CCDC25: variants seen among roughly 807,000 people sequenced by gnomAD.
The protein encoded by CCDC25 is coiled-coil domain containing 25.
Under a neutral mutation model 35.3 loss-of-function variants are expected in CCDC25, and 16 were observed. That is an observed-to-expected ratio of 0.45 (90% CI 0.31 to 0.69). The LOEUF is 0.69. CCDC25 is among the 30% of genes least tolerant of loss of function. The pLI, the probability that CCDC25 is intolerant of heterozygous loss-of-function variation, is 0.06. For missense variants in CCDC25, 179 were observed against 250.7 expected, an observed-to-expected ratio of 0.71 and a Z score of 1.93; for synonymous variants, 79 against 80.3, an observed-to-expected ratio of 0.98 and a Z score of 0.09.
At chr8:27,765,719 T>C (rs1804379467) in intron 1 of CCDC25, among the ~76,000 whole-genome samples, 1 of 152,186 alleles carries the variant, frequency 6.6e-6, no homozygotes, top group Non-Finnish European at 1.5e-5. Context: ...TTTTAGCCAA[T>C]ATTACCCATA....
intron 7 of CCDC25, among the ~76,000 whole-genome samples, chr8:27,742,297 T>C (rs1803465560): frequency 6.6e-6 from 1 of 152,148 alleles, no homozygotes; most frequent in Non-Finnish European, 1.5e-5. Flanking sequence ...GAGAGACTTG[T>C]AAGCTTGTAA....
At position 27,772,564 on chromosome 8, in the gene CCDC25, T is replaced by C. The variant is rs1411999099; in HGVS notation, c.-24A>G. On this transcript the variant is annotated 5_prime_UTR_variant, in exon 1 of 9. Coordinates refer to ENST00000356537, the MANE Select transcript of CCDC25 (RefSeq NM_018246.3). Reference sequence around the variant, plus strand: ...ATGATCCCGGGAGCGGTGCGGTGACTCCACCGCGGAGCAGCAGCGCTCAAC... The same window carrying C: ...ATGATCCCGGGAGCGGTGCGGTGACCCCACCGCGGAGCAGCAGCGCTCAAC... 3.2e-6 allele frequency: 5 copies of C among 1,548,092 alleles called. No homozygotes were observed. The African/African-American group carries it at 4.1e-5, about 13-fold the overall frequency.
intron 2 of CCDC25, among the ~76,000 whole-genome samples, chr8:27,763,635 T>C (rs943685551): frequency 1.3e-5 from 2 of 152,220 alleles, no homozygotes; most frequent in East Asian, 3.9e-4. Context: ...GGAGAATTGC[T>C]TGAATCCAGG....
chr8:27,772,579 C>T lies in CCDC25; in HGVS notation c.-39G>A. The T allele has an allele frequency of 6.5e-7, 1 of 1,542,520 alleles. No individual in the cohort carries two copies. Among genetic ancestry groups the T allele is most frequent in the Non-Finnish European group, 8.8e-7 (1 of 1,141,448 alleles). On this transcript the variant is annotated 5_prime_UTR_variant, in exon 1 of 9. Coordinates refer to ENST00000356537, the MANE Select transcript of CCDC25 (RefSeq NM_018246.3). ...GTGCGGTGACTCCACCGCGGAGCAG[C>T]AGCGCTCAACTCACGAAGCTCAGGA... is the stretch of plus-strand genomic sequence containing the variant.
chr8:27,738,462 G>A (rs977672237), intron 8 of CCDC25, among the ~76,000 whole-genome samples: 1 of 152,146 alleles, frequency 6.6e-6, no homozygotes. Context: ...AACAGGGGTT[G>A]CAAGCAACAG....
chr8:27,742,821 C>T (rs1272262326), intron 7 of CCDC25, among the ~76,000 whole-genome samples: 2 of 152,104 alleles, frequency 1.3e-5, no homozygotes, highest in Non-Finnish European at 2.9e-5. Flanking sequence ...GAGCCGAGAT[C>T]GTGCCACTGC....
At chr8:27,772,222 A>C (rs1804648123) in intron 1 of CCDC25, among the ~76,000 whole-genome samples, 1 of 152,240 alleles carries the variant, frequency 6.6e-6, no homozygotes, top group African/African-American at 2.4e-5. Context: ...GGCTCTGCCC[A>C]ATCCCAGGGA....
intron 5 of CCDC25, among the ~76,000 whole-genome samples, chr8:27,749,706 T>C (rs528345745): frequency 1.9e-4 from 29 of 151,662 alleles, no homozygotes; most frequent in African/African-American, 6.8e-4. Context: ...GCGGGACAAG[T>C]GGCAAAACTT....
intron 3 of CCDC25, among the ~76,000 whole-genome samples, chr8:27,759,481 A>G (rs942500595): frequency 1.3e-5 from 2 of 151,756 alleles, no homozygotes; most frequent in Admixed American, 1.3e-4. Context: ...CAGTGGCGGG[A>G]GCCTGTAGTC....
At chr8:27,743,711 T>C (rs530724992) in intron 7 of CCDC25, among the ~76,000 whole-genome samples, 5 of 152,236 alleles carry the variant, frequency 3.3e-5, no homozygotes, top group African/African-American at 7.2e-5. Flanking sequence ...CTGGGCAACA[T>C]AGGAAGACTC....
Position 27,740,759 on chromosome 8 carries a change from G to A in CCDC25, c.552-242C>T, listed in dbSNP as rs182945924. On this transcript the variant is annotated intron_variant, in intron 7 of 8. Transcript: ENST00000356537. Reference sequence around the variant, plus strand: ...AAGTGCTTTCTCCTACTTGTTTCATGTCACCACCTCCACAATAACTTGGCG... The same window carrying A: ...AAGTGCTTTCTCCTACTTGTTTCATATCACCACCTCCACAATAACTTGGCG... Among the ~76,000 whole-genome samples the A allele has an allele frequency of 1.3e-3, 201 of 152,316 alleles. 1 individual carries two copies. The highest frequency in any genetic ancestry group is 4.6e-3 in the African/African-American group (190 of 41,570).
At chr8:27,744,618 C>T (rs1341570780) in intron 7 of CCDC25, among the ~76,000 whole-genome samples, 1 of 152,218 alleles carries the variant, frequency 6.6e-6, no homozygotes, top group Non-Finnish European at 1.5e-5. Flanking sequence ...CCTATAAAGG[C>T]TCTTTATCAC....
rs1206359000 is a variant in CCDC25 at position 27,748,610 on chromosome 8, G to C, written c.245-12C>G. Reference sequence around the variant, plus strand: ...GTTCATCTTGCAGCCTGCCAAGAGAGACTGTCTTCAACATGCAGGCAGGAT... The same window carrying C: ...GTTCATCTTGCAGCCTGCCAAGAGACACTGTCTTCAACATGCAGGCAGGAT... On this transcript the variant is annotated splice_polypyrimidine_tract_variant and intron_variant, in intron 5 of 8. Coordinates refer to ENST00000356537, the MANE Select transcript of CCDC25 (RefSeq NM_018246.3). The C allele has an allele frequency of 6.3e-7, 1 of 1,594,132 alleles. No individual in the cohort carries two copies. Among genetic ancestry groups the C allele is most frequent in the Non-Finnish European group, 8.6e-7 (1 of 1,161,838 alleles).
intron 8 of CCDC25, among the ~76,000 whole-genome samples, chr8:27,736,599 T>G (rs536120874): frequency 4.8e-4 from 73 of 152,294 alleles, no homozygotes; most frequent in African/African-American, 1.7e-3. Context: ...AAACACTGCC[T>G]CAATGTCCTC....
At chr8:27,736,326 A>C (rs2128934633) in intron 8 of CCDC25, 81 bp from the exon 9 acceptor site, 1 of 1,157,928 alleles carries the variant, frequency 8.6e-7, no homozygotes, top group East Asian at 2.4e-5. Context: ...TTAATTAGCG[A>C]GCTGCCTTCT....
chr8:27,756,435 T>G, intron 4 of CCDC25: 1 of 321,968 alleles, frequency 3.1e-6, no homozygotes, highest in Non-Finnish European at 5.8e-6. Context: ...GTCAACTGAA[T>G]TGAAAGAAAA....
At chr8:27,769,334 G>A (rs1804508245) in intron 1 of CCDC25, among the ~76,000 whole-genome samples, 2 of 152,158 alleles carry the variant, frequency 1.3e-5, no homozygotes, top group Admixed American at 6.5e-5. Flanking sequence ...CAAATCTAGT[G>A]AAGCATTTTG....
chr8:27,752,020 C>T (rs1328256265), intron 5 of CCDC25, among the ~76,000 whole-genome samples: 2 of 151,814 alleles, frequency 1.3e-5, no homozygotes, highest in East Asian at 1.9e-4. Flanking sequence ...TTGACAACTT[C>T]GCAATTTAAG....
chr8:27,752,415 G>T, intron 5 of CCDC25, 97 bp downstream of exon 5: 2 of 911,068 alleles, frequency 2.2e-6, no homozygotes, highest in South Asian at 1.5e-5. Flanking sequence ...ATTCTTTGAT[G>T]GAGGCCAAAG....
Sources: allele counts gnomAD v4.1 joint callset (sites outside exome capture counted in the v4.1 genomes callset), GRCh38; gene constraint gnomAD v4.1.1; transcripts MANE v1.5; gene names NCBI Gene and HGNC (gene_info 2026-07-23, HGNC 2026-07-21).